DACH2: variants seen among roughly 807,000 people sequenced by gnomAD.
DACH2 encodes dachshund homolog 2.
A neutral mutation model predicts 35.8 loss-of-function variants in DACH2; 17 were observed. The observed-to-expected ratio is 0.48, with a 90% CI of 0.33 to 0.71. The LOEUF (loss-of-function observed/expected upper bound fraction) is 0.71, where lower values mean the gene tolerates loss of function less well. Ranked by LOEUF, DACH2 falls within the 30% of genes least tolerant of loss-of-function variation. The probability of loss-of-function intolerance (pLI) is 0.02; values close to 1 mark genes in which losing one functional copy is unlikely to be tolerated. For synonymous variants in DACH2, 195 were observed against 177.3 expected (o/e 1.10, Z -0.79); for missense variants, 469 against 472.7 (o/e 0.99, Z 0.07).
intron 1 of DACH2, among the ~76,000 whole-genome samples, chrX:86,269,506 G>T (rs901941694): frequency 4.5e-5 from 5 of 111,848 alleles, no homozygotes; most frequent in Middle Eastern, 9.5e-3. Context: ...ACCACATAAA[G>T]GGACAGTCCA....
At chrX:86,431,816 A>G (rs916652130) in intron 2 of DACH2, among the ~76,000 whole-genome samples, 4 of 111,767 alleles carry the variant, frequency 3.6e-5, no homozygotes, top group Non-Finnish European at 5.7e-5. Flanking sequence ...TTTACTAGTC[A>G]TCCATTTGAT....
intron 4 of DACH2, among the ~76,000 whole-genome samples, chrX:86,687,575 A>T (rs2040960560): frequency 1.8e-5 from 2 of 111,813 alleles, no homozygotes; most frequent in Non-Finnish European, 3.8e-5. Context: ...ACATTCTATG[A>T]TAAAGACACA....
intron 4 of DACH2, among the ~76,000 whole-genome samples, chrX:86,693,786 T>C (rs1436028385): frequency 1.8e-5 from 2 of 111,891 alleles, no homozygotes; most frequent in Admixed American, 9.5e-5. Context: ...AATGTTTTTG[T>C]TATAATGTAG....
chrX:86,192,965 C>G (rs1349818032), intron 1 of DACH2, among the ~76,000 whole-genome samples: 1 of 112,044 alleles, frequency 8.9e-6, no homozygotes, highest in Non-Finnish European at 1.9e-5. Flanking sequence ...CACATTTAAA[C>G]TGTATACACT....
chrX:86,416,870 G>C (rs2036711690), intron 2 of DACH2, among the ~76,000 whole-genome samples: 1 of 110,020 alleles, frequency 9.1e-6, no homozygotes. Flanking sequence ...AGCCCAAGGT[G>C]GGTGGATCAC....
chrX:86,374,310 A>C (rs1377712906), intron 1 of DACH2, among the ~76,000 whole-genome samples: 1 of 111,254 alleles, frequency 9.0e-6, no homozygotes, highest in Non-Finnish European at 1.9e-5. Flanking sequence ...ACAGGGTAAA[A>C]ATGACCTTGA....
Position 86,808,887 on chromosome X carries a change from T to A in DACH2, c.1241-3969T>A, listed in dbSNP as rs1191690438. ...AAGCATTAGAGTCATGTAGAGAGCC[T>A]CTAGCAGCCTGGACTTAATTTTCTG... On this transcript the variant is annotated intron_variant, in intron 7 of 11. Transcript: ENST00000373125. Among the ~76,000 whole-genome samples, 6 of 111,178 alleles carry A rather than the reference T, an allele frequency of 5.4e-5. No individual in the cohort carries two copies. In the East Asian group the frequency reaches 8.5e-4, roughly 16 times the overall value.
rs775373273 is a variant in DACH2, at chrX:86,326,482, T to TACACAC, written c.489-50341_489-50340insCACACA. Among the ~76,000 whole-genome samples the TACACAC allele has an allele frequency of 5.4e-3, 393 of 72,821 alleles. 3 individuals carry two copies. The highest frequency in any genetic ancestry group is 0.019 in the African/African-American group (364 of 19,080). The allele number at this position is 72,821 out of a possible 115,157, so 63.2% of individuals were successfully genotyped here. On this transcript the variant is annotated intron_variant, in intron 1 of 11. Transcript: ENST00000373125. ...TGAGACTCTGTAAAAGTTAAAAAAT[T>TACACAC]ATACATACACACACACACACACACA...
At chrX:86,490,720 G>A (rs1040479948) in intron 2 of DACH2, among the ~76,000 whole-genome samples, 1 of 110,681 alleles carries the variant, frequency 9.0e-6, no homozygotes, top group African/African-American at 3.3e-5. Context: ...ATAAGGCCTA[G>A]GTGATTATAA....
At chrX:86,686,176 A>G (rs1298751949) in intron 4 of DACH2, among the ~76,000 whole-genome samples, 1 of 112,205 alleles carries the variant, frequency 8.9e-6, no homozygotes, top group East Asian at 2.8e-4. Context: ...ATTTTTCTGT[A>G]CTTGCCACAG....
intron 3 of DACH2, among the ~76,000 whole-genome samples, chrX:86,593,390 T>A (rs1014168097): frequency 1.3e-4 from 13 of 102,638 alleles, no homozygotes; most frequent in African/African-American, 4.4e-4. Context: ...TTCTTTCATA[T>A]ATATATTTTT....
At chrX:86,270,782 T>C (rs2033801834) in intron 1 of DACH2, among the ~76,000 whole-genome samples, 1 of 111,876 alleles carries the variant, frequency 8.9e-6, no homozygotes, top group African/African-American at 3.2e-5. Flanking sequence ...ATGTAAAATA[T>C]TGTGTCTCCA....
chrX:86,496,960 G>A (rs1322223118), intron 2 of DACH2, among the ~76,000 whole-genome samples: 3 of 112,006 alleles, frequency 2.7e-5, no homozygotes, highest in South Asian at 3.7e-4. Context: ...AGGAAGGAAG[G>A]TGAAGGTTAA....
intron 3 of DACH2, among the ~76,000 whole-genome samples, chrX:86,541,676 GA>G (rs2038884018): frequency 9.0e-6 from 1 of 111,075 alleles, no homozygotes; most frequent in Non-Finnish European, 1.9e-5. Flanking sequence ...TATTTAGGAG[GA>G]AAAAAGTAGA....
At chrX:86,340,564 C>A (rs968314332) in intron 1 of DACH2, among the ~76,000 whole-genome samples, 2 of 110,975 alleles carry the variant, frequency 1.8e-5, no homozygotes, top group Admixed American at 9.7e-5. Context: ...CCAACAATGC[C>A]CTCTAAGTGT....
At chrX:86,456,912 C>T (rs1484925231) in intron 2 of DACH2, among the ~76,000 whole-genome samples, 1 of 111,250 alleles carries the variant, frequency 9.0e-6, no homozygotes, top group Non-Finnish European at 1.9e-5. Context: ...ATATTCCACT[C>T]CACTCTCTTC....
chrX:86,677,521 T>C (rs774054897), intron 4 of DACH2, among the ~76,000 whole-genome samples: 32 of 112,113 alleles, frequency 2.9e-4, no homozygotes, highest in Admixed American at 4.7e-4. Flanking sequence ...ATTCAGGTTG[T>C]AAACACTTGC....
intron 2 of DACH2, among the ~76,000 whole-genome samples, chrX:86,396,254 ATTTG>A (rs1256015628): frequency 9.5e-6 from 1 of 105,003 alleles, no homozygotes; most frequent in Admixed American, 1.0e-4. Context: ...TTTCTTGTAA[ATTTG>A]TTTGAGTTCA....
chrX:86,600,499 A>C (rs1490527745), intron 3 of DACH2, among the ~76,000 whole-genome samples: 1 of 112,194 alleles, frequency 8.9e-6, no homozygotes, highest in Non-Finnish European at 1.9e-5. Flanking sequence ...TTTCTCATCT[A>C]TGCCGTGTGT....
Sources: allele counts gnomAD v4.1 joint callset (sites outside exome capture counted in the v4.1 genomes callset), GRCh38; gene constraint gnomAD v4.1.1; transcripts MANE v1.5; gene names NCBI Gene and HGNC (gene_info 2026-07-23, HGNC 2026-07-21).